TTC27: variants seen among roughly 807,000 people sequenced by gnomAD.
TTC27 encodes the protein tetratricopeptide repeat domain 27.
In TTC27, 79 loss-of-function variants were observed where a neutral mutation model predicts 115.9. The ratio of observed to expected loss-of-function variants is 0.68; its 90% CI spans 0.57 to 0.82. The LOEUF (loss-of-function observed/expected upper bound fraction) is 0.82, where lower values mean the gene tolerates loss of function less well. Ranked by LOEUF, TTC27 falls within the 40% of genes least tolerant of loss-of-function variation. The probability of loss-of-function intolerance (pLI) is 0.00; values close to 1 mark genes in which losing one functional copy is unlikely to be tolerated. For missense variants in TTC27, 1,054 were observed against 993.1 expected (o/e 1.06, Z -0.82); for synonymous variants, 401 against 356.0 (o/e 1.13, Z -1.42).
At chr2:32,774,796 A>G (rs1266483296) in intron 13 of TTC27, among the ~76,000 whole-genome samples, 1 of 152,350 alleles carries the variant, frequency 6.6e-6, no homozygotes, top group African/African-American at 2.4e-5. Context: ...AAGAAAAGCC[A>G]TTGGATGATT....
chr2:32,635,169 A>C (rs1182549602), intron 3 of TTC27: 1 of 152,324 alleles, frequency 6.6e-6, no homozygotes, highest in East Asian at 1.9e-4. Context: ...TTGAGCTCCT[A>C]TATAGAGGGT....
intron 12 of TTC27, among the ~76,000 whole-genome samples, chr2:32,746,031 A>T (rs1198345335): frequency 2.0e-5 from 3 of 152,206 alleles, no homozygotes; most frequent in African/African-American, 7.2e-5. Flanking sequence ...GCCAAAAAAA[A>T]GTATTAAAAT....
chr2:32,677,808 G>C (rs1488821762), intron 8 of TTC27, among the ~76,000 whole-genome samples: 1 of 152,206 alleles, frequency 6.6e-6, no homozygotes, highest in Admixed American at 6.5e-5. Flanking sequence ...GGATCAGCAA[G>C]ATCTAAGAAT....
intron 13 of TTC27, among the ~76,000 whole-genome samples, chr2:32,776,198 C>T (rs1669992431): frequency 6.6e-6 from 1 of 152,170 alleles, no homozygotes; most frequent in Non-Finnish European, 1.5e-5. Flanking sequence ...TTATAGCCTC[C>T]TGTGAATTCA....
chr2:32,719,897 G>T (rs892101410), intron 10 of TTC27, among the ~76,000 whole-genome samples: 2 of 152,098 alleles, frequency 1.3e-5, no homozygotes, highest in Non-Finnish European at 2.9e-5. Flanking sequence ...GCCAAATATT[G>T]ATCATGAGGG....
chr2:32,749,152 C>A (rs778853415), intron 12 of TTC27, among the ~76,000 whole-genome samples: 21 of 152,320 alleles, frequency 1.4e-4, no homozygotes, highest in Non-Finnish European at 2.6e-4. Context: ...TTTGCCCCAA[C>A]TGTTATTTAC....
At chr2:32,642,479 C>G (rs1664689603) in intron 4 of TTC27, among the ~76,000 whole-genome samples, 1 of 151,816 alleles carries the variant, frequency 6.6e-6, no homozygotes, top group Non-Finnish European at 1.5e-5. Context: ...TTTCAAACTC[C>G]TAGCCTCAGG....
At chr2:32,671,678 A>G (rs1056134016) in intron 7 of TTC27, among the ~76,000 whole-genome samples, 1 of 152,114 alleles carries the variant, frequency 6.6e-6, no homozygotes, top group Non-Finnish European at 1.5e-5. Context: ...GATCATTTGC[A>G]TTTCCATATA....
intron 19 of TTC27, among the ~76,000 whole-genome samples, chr2:32,820,147 C>T (rs1013111422): frequency 5.9e-5 from 9 of 152,196 alleles, no homozygotes; most frequent in East Asian, 1.9e-4. Context: ...CATGTACACA[C>T]GTGCACATGT....
At chr2:32,669,883 C>CA (rs70938358) in intron 7 of TTC27, among the ~76,000 whole-genome samples, 68,335 of 108,036 alleles carry the variant, frequency 0.63, 19,470 homozygotes, top group East Asian at 0.81. Context: ...GAGACTTTCT[C>CA]AAAAAAAAAA....
At chr2:32,707,630 A>T (rs1458139533) in intron 10 of TTC27, among the ~76,000 whole-genome samples, 1 of 152,216 alleles carries the variant, frequency 6.6e-6, no homozygotes, top group Non-Finnish European at 1.5e-5. Flanking sequence ...CTAATGAAGT[A>T]TATTTTATTA....
intron 15 of TTC27, among the ~76,000 whole-genome samples, chr2:32,784,423 T>G (rs532178317): frequency 6.6e-6 from 1 of 152,228 alleles, no homozygotes; most frequent in African/African-American, 2.4e-5. Context: ...TTATTAATGC[T>G]TCTCTCAGAA....
intron 16 of TTC27, among the ~76,000 whole-genome samples, chr2:32,809,783 C>G (rs1405199647): frequency 6.6e-6 from 1 of 152,142 alleles, no homozygotes; most frequent in African/African-American, 2.4e-5. Context: ...TTCAAAGCAT[C>G]TGGGATAGAA....
Position 32,762,862 on chromosome 2 carries a change from G to A in TTC27, c.1680+4343G>A, listed in dbSNP as rs1669493555. On this transcript the variant is annotated intron_variant, in intron 13 of 19. Transcript: ENST00000317907. ...TCGCCATGTTGGTCAGGCTGGTCTT[G>A]AACTCCTGACCTTGTGATCCGCCCG... is the stretch of plus-strand genomic sequence containing the variant. Among the ~76,000 whole-genome samples, 4 of 152,190 alleles carry A rather than the reference G, an allele frequency of 2.6e-5. No homozygotes were observed. In the South Asian group the frequency reaches 8.3e-4, roughly 32 times the overall value.
chr2:32,795,724 T>TTTA (rs1558348121), intron 16 of TTC27, among the ~76,000 whole-genome samples: 1 of 54,806 alleles, frequency 1.8e-5, no homozygotes, highest in African/African-American at 9.1e-5. Context: ...GGCTAATTTT[T>TTTA]GTATTATTAT....
rs370289960 is a variant in TTC27 at position 32,648,152 on chromosome 2, AGTTTCACTCTT to A, written c.538-1975_538-1965del. ...GTATATACTTTTTTTTTTGAGACGG[AGTTTCACTCTT>A]GTTGCCCAAGCTGGAGTGCAGTGGT... On this transcript the variant is annotated intron_variant, in intron 4 of 19. Coordinates refer to ENST00000317907, the MANE Select transcript of TTC27 (RefSeq NM_017735.5). 2.5e-3 allele frequency among the ~76,000 whole-genome samples: 384 copies of A among 151,770 alleles called. 5 individuals carry two copies. Among genetic ancestry groups the A allele is most frequent in the African/African-American group, 9.1e-3 (376 of 41,406 alleles).
intron 9 of TTC27, among the ~76,000 whole-genome samples, chr2:32,687,593 G>A (rs6744434): frequency 0.3 from 45,445 of 152,034 alleles, 7,373 homozygotes; most frequent in East Asian, 0.37. Flanking sequence ...CAGATGGGTT[G>A]ATAATAAATG....
At chr2:32,762,930 G>A (rs185747013) in intron 13 of TTC27, among the ~76,000 whole-genome samples, 489 of 152,296 alleles carry the variant, frequency 3.2e-3, no homozygotes, top group Non-Finnish European at 4.8e-3. Flanking sequence ...GTGAGCCACC[G>A]CGCTCAGCCC....
At chr2:32,764,896 C>T (rs1463594538) in intron 13 of TTC27, among the ~76,000 whole-genome samples, 1 of 152,208 alleles carries the variant, frequency 6.6e-6, no homozygotes, top group Non-Finnish European at 1.5e-5. Context: ...GAGATTATGG[C>T]AATTCAACCA....
Sources: allele counts gnomAD v4.1 joint callset (sites outside exome capture counted in the v4.1 genomes callset), GRCh38; gene constraint gnomAD v4.1.1; transcripts MANE v1.5; gene names NCBI Gene and HGNC (gene_info 2026-07-23, HGNC 2026-07-21).